The following PRKCA variants were observed in gnomAD, a reference collection of about 807,000 sequenced individuals.
The protein encoded by PRKCA is protein kinase C alpha type.
In PRKCA, 27 loss-of-function variants were observed where a neutral mutation model predicts 87.0. That is an observed-to-expected ratio of 0.31 (90% confidence interval 0.23 to 0.43). The LOEUF is 0.43. Among genes scored for constraint, PRKCA ranks in the 20% least tolerant of loss-of-function variants. The probability of loss-of-function intolerance (pLI) is 1.00; values close to 1 mark genes in which losing one functional copy is unlikely to be tolerated. For synonymous variants in PRKCA, 329 were observed against 311.1 expected, an observed-to-expected ratio of 1.06 and a Z score of -0.61; for missense variants, 518 against 852.3, an observed-to-expected ratio of 0.61 and a Z score of 4.88.
At chr17:66,772,715 CTCCCTTCCACGAAG>C (rs1974964387) in intron 13 of PRKCA, among the ~76,000 whole-genome samples, 1 of 152,088 alleles carries the variant, frequency 6.6e-6, no homozygotes, top group African/African-American at 2.4e-5. Context: ...ATCCATGTTA[CTCCCTTCCACGAAG>C]GGAGGTTATA....
rs1024599252 is a variant in PRKCA, at chr17:66,803,566, C to T, written c.1855-307C>T. ...TGCGTGGCTTCCGTGCTCTCAGCTC[C>T]GCTTGCTCGGTGAGGTGGACGTGAG... On this transcript the variant is annotated intron_variant, in intron 16 of 16. Coordinates refer to ENST00000413366, the MANE Select transcript of PRKCA (RefSeq NM_002737.3). The surrounding 1 kb of genome is among the most constrained non-coding windows in gnomAD (Gnocchi z 4.4). 1.2e-4 allele frequency among the ~76,000 whole-genome samples: 19 copies of T among 152,182 alleles called. No individual in the cohort carries two copies. The highest frequency in any genetic ancestry group is 1.2e-3 in the East Asian group (6 of 5,172).
At chr17:66,790,422 C>T (rs1038644179) in intron 16 of PRKCA, among the ~76,000 whole-genome samples, 4 of 152,104 alleles carry the variant, frequency 2.6e-5, no homozygotes, top group East Asian at 1.9e-4. Context: ...GGGGGTCTCA[C>T]GGGCTCCTGC....
chr17:66,783,946 C>T (rs2144367798), intron 14 of PRKCA, among the ~76,000 whole-genome samples: 1 of 152,334 alleles, frequency 6.6e-6, no homozygotes, highest in Middle Eastern at 3.4e-3. Flanking sequence ...CGCACAGGGC[C>T]CAAGCCCACA....
At chr17:66,776,501 G>A (rs1312034895) in intron 14 of PRKCA, among the ~76,000 whole-genome samples, 2 of 152,002 alleles carry the variant, frequency 1.3e-5, no homozygotes, top group Admixed American at 6.6e-5. Flanking sequence ...GTAAAGACGG[G>A]GTTTCACCAT....
chr17:66,492,770 A>T (rs903612902), intron 2 of PRKCA, among the ~76,000 whole-genome samples: 6 of 152,214 alleles, frequency 3.9e-5, no homozygotes, highest in Non-Finnish European at 7.3e-5. Flanking sequence ...TGCAATCAAG[A>T]TGCTTTTAGC....
intron 5 of PRKCA, among the ~76,000 whole-genome samples, chr17:66,679,290 C>T (rs1598867907): frequency 6.6e-6 from 1 of 151,748 alleles, no homozygotes. Flanking sequence ...ACGCCATTCT[C>T]CTGCCTCAGC....
chr17:66,771,719 C>T (rs1240396641), intron 13 of PRKCA, among the ~76,000 whole-genome samples: 1 of 152,134 alleles, frequency 6.6e-6, no homozygotes, highest in African/African-American at 2.4e-5. Flanking sequence ...CCTCAGCCTC[C>T]CAAGTAGCTG....
intron 2 of PRKCA, among the ~76,000 whole-genome samples, chr17:66,336,193 A>G (rs1012473143): frequency 2.0e-5 from 3 of 152,190 alleles, no homozygotes; most frequent in Admixed American, 6.5e-5. Flanking sequence ...ACTAGGTGCC[A>G]TATCCTTTTA....
At chr17:66,422,832 C>G (rs561842812) in intron 2 of PRKCA, among the ~76,000 whole-genome samples, 3 of 152,098 alleles carry the variant, frequency 2.0e-5, no homozygotes, top group Non-Finnish European at 2.9e-5. Context: ...TATTGCAGGC[C>G]GGGCATGGTG....
intron 3 of PRKCA, among the ~76,000 whole-genome samples, chr17:66,595,553 A>G (rs9915253): frequency 0.56 from 83,484 of 147,916 alleles, 24,482 homozygotes; most frequent in African/African-American, 0.73. Context: ...TCCGCCTCCC[A>G]GGTTCACGCT....
At chr17:66,749,707 C>T (rs1176658689) in intron 13 of PRKCA, among the ~76,000 whole-genome samples, 2 of 152,204 alleles carry the variant, frequency 1.3e-5, no homozygotes, top group Non-Finnish European at 2.9e-5. Flanking sequence ...CTGCACGCTG[C>T]GCTCCTGGAT....
intron 1 of PRKCA, 66 bp downstream of exon 1, chr17:66,303,090 C>T: frequency 2.6e-6 from 4 of 1,566,472 alleles, no homozygotes; most frequent in Non-Finnish European, 3.5e-6. Flanking sequence ...ACCCGGCGCT[C>T]CGGCGCGTCC....
At chr17:66,665,155 T>C (rs1972010898) in intron 5 of PRKCA, among the ~76,000 whole-genome samples, 1 of 152,214 alleles carries the variant, frequency 6.6e-6, no homozygotes, top group Non-Finnish European at 1.5e-5. Context: ...AGTTATTAAG[T>C]GCTTATTTTG....
intron 3 of PRKCA, among the ~76,000 whole-genome samples, chr17:66,551,797 GA>G (rs978119231): frequency 9.9e-5 from 15 of 152,036 alleles, no homozygotes; most frequent in African/African-American, 3.6e-4. Flanking sequence ...ATGAGAGAGA[GA>G]GGGGGGAATT....
chr17:66,303,023 T>C lies in PRKCA; in HGVS notation c.172T>C (p.Trp58Arg). The C allele has an allele frequency of 6.2e-7, 1 of 1,608,472 alleles. No homozygotes were observed. Residue 58 changes from tryptophan to arginine, a missense_variant and splice_region_variant, in exon 1 of 17, where the codon TGG (tryptophan) becomes CGG (arginine). Transcript: ENST00000413366. ...CTGCAGCCACTGCACCGACTTCATCTGGTAGGTGCCGGGCCGGGCACTCCT... is the reference window on the plus strand; with the variant it reads ...CTGCAGCCACTGCACCGACTTCATCCGGTAGGTGCCGGGCCGGGCACTCCT... ...TFCSHCTDFI[W>R]GFGKQGFQCQ...
chr17:66,638,652 T>A (rs2143785663), intron 3 of PRKCA, among the ~76,000 whole-genome samples: 1 of 152,198 alleles, frequency 6.6e-6, no homozygotes, highest in South Asian at 2.1e-4. Flanking sequence ...ATCAAGACCA[T>A]CCTGGCTAAC....
chr17:66,592,625 T>C (rs1388698833), intron 3 of PRKCA, among the ~76,000 whole-genome samples: 4 of 152,170 alleles, frequency 2.6e-5, no homozygotes, highest in Admixed American at 6.5e-5. Context: ...CAGGCAAGAC[T>C]GGAGCATGAA....
At chr17:66,520,608 G>A (rs1374190364) in intron 3 of PRKCA, among the ~76,000 whole-genome samples, 1 of 152,138 alleles carries the variant, frequency 6.6e-6, no homozygotes, top group African/African-American at 2.4e-5. Context: ...CTATCAAAAG[G>A]CACGTTAAGT....
chr17:66,507,192 A>G (rs1396531732), intron 3 of PRKCA, among the ~76,000 whole-genome samples: 1 of 152,244 alleles, frequency 6.6e-6, no homozygotes, highest in Non-Finnish European at 1.5e-5. Flanking sequence ...ATGTATATGA[A>G]TAAATATTAC....
Sources: allele counts gnomAD v4.1 joint callset (sites outside exome capture counted in the v4.1 genomes callset), GRCh38; gene constraint gnomAD v4.1.1; non-coding constraint Gnocchi (gnomAD v3.1); transcripts MANE v1.5; gene names NCBI Gene and HGNC (gene_info 2026-07-23, HGNC 2026-07-21).